The following TNRC6B variants were observed in gnomAD, a reference collection of about 807,000 sequenced individuals.
TNRC6B encodes the protein trinucleotide repeat containing adaptor 6B.
Under a neutral mutation model 203.6 loss-of-function variants are expected in TNRC6B, and 52 were observed. The observed-to-expected ratio is 0.26, with a 90% CI of 0.20 to 0.32. TNRC6B has a LOEUF of 0.32. Ranked by LOEUF, TNRC6B falls within the 10% of genes least tolerant of loss-of-function variation. The pLI is 1.00. For missense variants in TNRC6B, 1,923 were observed against 2,286.2 expected, an observed-to-expected ratio of 0.84 and a Z score of 3.24; for synonymous variants, 838 against 845.7, an observed-to-expected ratio of 0.99 and a Z score of 0.16.
intron 15 of TNRC6B, among the ~76,000 whole-genome samples, chr22:40,302,622 G>C (rs1357004095): frequency 1.5e-5 from 2 of 136,502 alleles, no homozygotes; most frequent in African/African-American, 5.6e-5. Context: ...GATAGAGCAA[G>C]ACCCCATCTC....
intron 1 of TNRC6B, among the ~76,000 whole-genome samples, chr22:40,225,653 G>A (rs911651108): frequency 6.9e-6 from 1 of 145,722 alleles, no homozygotes; most frequent in African/African-American, 2.5e-5. Flanking sequence ...TGAGGCAGGA[G>A]AATCGCTTGA....
chr22:40,123,983 C>T (rs2068466422), intron 2 of TNRC6B, among the ~76,000 whole-genome samples: 1 of 151,458 alleles, frequency 6.6e-6, no homozygotes, highest in East Asian at 1.9e-4. Flanking sequence ...TGTGAGCATC[C>T]CTCATGTGTT....
In TNRC6B at chr22:40,265,108, T is replaced by C. The variant is rs73165082; in HGVS notation, c.878T>C (p.Ile293Thr). ...NWRNVSGQDR[I>T]GPGSGFSNFN... ...AGGAATGTGAGTGGTCAGGATAGAA[T>C]TGGACCTGGCTCTGGCTTCAGCAAC... Residue 293 changes from isoleucine to threonine, a missense_variant, in exon 5 of 23, where the codon ATT (isoleucine) becomes ACT (threonine). Physicochemically the swap from Ile to Thr is moderately conservative, Grantham distance 89. Transcript: ENST00000454349. 7.4e-5 allele frequency: 119 copies of C among 1,613,962 alleles called. 1 individual carries two copies. The highest frequency in any genetic ancestry group is 4.3e-4 in the South Asian group (39 of 91,082).
intron 15 of TNRC6B, among the ~76,000 whole-genome samples, chr22:40,306,868 G>A (rs1020954320): frequency 6.6e-6 from 1 of 152,014 alleles, no homozygotes. Flanking sequence ...TGTGCCTGTA[G>A]TCCCAGCTAC....
intron 17 of TNRC6B, among the ~76,000 whole-genome samples, chr22:40,311,261 A>G (rs2071176431): frequency 6.6e-6 from 1 of 152,070 alleles, no homozygotes; most frequent in Non-Finnish European, 1.5e-5. Context: ...GTTCTTTTGA[A>G]GTGTCTGTTG....
chr22:40,147,562 G>A (rs1393474226), intron 3 of TNRC6B, among the ~76,000 whole-genome samples: 4 of 152,164 alleles, frequency 2.6e-5, no homozygotes, highest in Admixed American at 6.5e-5. Context: ...GGAATACTGC[G>A]TCCCCACGTG....
chr22:40,224,358 A>G (rs1204817419), intron 1 of TNRC6B, among the ~76,000 whole-genome samples: 4 of 152,118 alleles, frequency 2.6e-5, no homozygotes, highest in East Asian at 1.9e-4. Context: ...CAGTTGATCT[A>G]TATCTTAGGA....
At chr22:40,162,011 C>T (rs1291701613) in intron 4 of TNRC6B, among the ~76,000 whole-genome samples, 1 of 152,148 alleles carries the variant, frequency 6.6e-6, no homozygotes, top group East Asian at 1.9e-4. Flanking sequence ...AAAATGCAGA[C>T]GGGCTTTTGA....
chr22:40,305,393 T>C (rs542550389), intron 15 of TNRC6B, among the ~76,000 whole-genome samples: 1 of 152,372 alleles, frequency 6.6e-6, no homozygotes, highest in East Asian at 1.9e-4. Flanking sequence ...AATTTTGTTT[T>C]GCTGTAGTGG....
intron 1 of TNRC6B, among the ~76,000 whole-genome samples, chr22:40,236,214 A>C (rs1228939793): frequency 6.6e-6 from 1 of 152,206 alleles, no homozygotes; most frequent in Non-Finnish European, 1.5e-5. Context: ...AATACAGGAC[A>C]GTTCTGTCAC....
At position 40,301,308 on chromosome 22, in the gene TNRC6B, A is replaced by G. The variant is rs1159164733; in HGVS notation, c.4095A>G (p.Lys1365=). 2 of 1,606,480 alleles carry G rather than the reference A, an allele frequency of 1.2e-6. No homozygotes were observed. Among genetic ancestry groups the G allele is most frequent in the Admixed American group, 1.7e-5 (1 of 59,012 alleles). The change falls in exon 15 of 23, where the codon AAA becomes AAG. Residue 1365 remains lysine (K), a synonymous_variant. Coordinates refer to ENST00000454349, the MANE Select transcript of TNRC6B (RefSeq NM_001162501.2). The part of the protein sequence containing the change: ...LNVGLPDLQT[K]GPIPGYGSGF... ...TGGGGCTCCCAGACCTTCAAACCAA[A>G]GGGCCAATACCTGGATATGGTTCTG...
intron 3 of TNRC6B, among the ~76,000 whole-genome samples, chr22:40,132,948 A>AT (rs1393420363): frequency 0.068 from 6,113 of 90,092 alleles, 648 homozygotes; most frequent in African/African-American, 0.25. Flanking sequence ...TGTCTCAAAA[A>AT]AAAAAAAAAA....
rs571538239 is a variant in TNRC6B at position 40,114,614 on chromosome 22, C to T, written c.-120-2441C>T. Reference sequence around the variant, plus strand: ...AAGTGCTAGGATTATAGGAGTGAGCCACCACGCCCGGCCTAGAGGAATTCT... The same window carrying T: ...AAGTGCTAGGATTATAGGAGTGAGCTACCACGCCCGGCCTAGAGGAATTCT... On this transcript the variant is annotated intron_variant, in intron 1 of 23. Transcript: ENST00000301923. Among the ~76,000 whole-genome samples the T allele has an allele frequency of 5.3e-5, 8 of 152,274 alleles. No homozygotes were observed. In the East Asian group the frequency reaches 1.4e-3, roughly 26 times the overall value.
At chr22:40,304,636 C>T (rs1032673024) in intron 15 of TNRC6B, among the ~76,000 whole-genome samples, 5 of 152,018 alleles carry the variant, frequency 3.3e-5, no homozygotes, top group East Asian at 1.9e-4. Context: ...AAGATGGTAG[C>T]GAAAATTCTC....
intron 1 of TNRC6B, among the ~76,000 whole-genome samples, chr22:40,203,879 A>G (rs988122083): frequency 6.6e-6 from 1 of 152,208 alleles, no homozygotes; most frequent in African/African-American, 2.4e-5. Context: ...GGTGTCCAGC[A>G]TCGGCGTGGG....
chr22:40,101,854 C>T (rs948310221), intron 1 of TNRC6B, among the ~76,000 whole-genome samples: 2 of 152,206 alleles, frequency 1.3e-5, no homozygotes, highest in Admixed American at 1.3e-4. Flanking sequence ...TGACAATTGA[C>T]ACCCAACCGG....
chr22:40,214,616 G>T lies in TNRC6B; in HGVS notation c.6-31399G>T, dbSNP rs566584227. Among the ~76,000 whole-genome samples the T allele has an allele frequency of 3.9e-5, 6 of 151,954 alleles. No homozygotes were observed. The South Asian group carries it at 1.0e-3, about 26-fold the overall frequency. ...GCTCTGTTGCCCAGGCTGGAGTGCA[G>T]TGGCATGATCATAGCTCACTTGAAC... On this transcript the variant is annotated intron_variant, in intron 1 of 22. Transcript: ENST00000454349.
In TNRC6B at chr22:40,281,224, C is replaced by G; in HGVS notation, c.3517C>G (p.Leu1173Val). The G allele has an allele frequency of 6.4e-7, 1 of 1,551,646 alleles. No individual in the cohort carries two copies. The highest frequency in any genetic ancestry group is 8.7e-7 in the Non-Finnish European group (1 of 1,146,944). ...CAAGCTGTCTCCCTCTGGTTCCACA[C>G]TACCCAACGTCAGCCTTGGAGCAAT... ...SYKLSPSGST[L>V]PNVSLGAIGT... The change falls in exon 11 of 23, where the codon CTA becomes GTA. Residue 1173 changes from leucine to valine, a missense_variant. Transcript: ENST00000454349.
At chr22:40,282,758 A>G (rs578107076) in intron 11 of TNRC6B, among the ~76,000 whole-genome samples, 5 of 152,270 alleles carry the variant, frequency 3.3e-5, no homozygotes, top group Admixed American at 2.0e-4. Flanking sequence ...TTTAAAGACT[A>G]TTTTCTTACA....
Sources: gnomAD v4.1 joint callset for allele counts (sites outside exome capture counted in the v4.1 genomes callset) on GRCh38, gnomAD v4.1.1 for gene constraint, MANE v1.5 for transcripts, NCBI Gene and HGNC (gene_info 2026-07-23, HGNC 2026-07-21) for gene names.